PSMC3: variants seen among roughly 807,000 people sequenced by gnomAD.
PSMC3 encodes 26S proteasome regulatory subunit 6A.
In PSMC3, 11 loss-of-function variants were observed where a neutral mutation model predicts 52.0. That is an observed-to-expected ratio of 0.21 (90% CI 0.13 to 0.35). The LOEUF (loss-of-function observed/expected upper bound fraction) is 0.35. Among genes scored for constraint, PSMC3 ranks in the 10% least tolerant of loss-of-function variants. The pLI is 1.00. For missense variants in PSMC3, 238 were observed against 567.1 expected, an observed-to-expected ratio of 0.42 and a Z score of 5.89; for synonymous variants, 201 against 218.8, an observed-to-expected ratio of 0.92 and a Z score of 0.72.
Position 47,424,816 on chromosome 11 carries a change from A to G in PSMC3, c.286-105T>C. On this transcript the variant is annotated intron_variant, in intron 3 of 11. Transcript: ENST00000298852. The surrounding 1 kb of genome is among the most constrained non-coding windows in gnomAD (Gnocchi z 4.8). The stretch of plus-strand genomic sequence containing the variant: ...CTGGCCATCCTTACCTCCCTCCTCC[A>G]ATAGCCCTGAGCCCACCAAACGTGG... The G allele has an allele frequency of 9.5e-7, 1 of 1,049,220 alleles. No individual in the cohort carries two copies. Among genetic ancestry groups the G allele is most frequent in the East Asian group, 2.5e-5 (1 of 40,290 alleles). The allele number at this position is 1,049,220 out of a possible 1,614,324, so 65.0% of individuals were successfully genotyped here.
In PSMC3 at chr11:47,424,592, C is replaced by G; in HGVS notation, c.390+15G>C. The stretch of plus-strand genomic sequence containing the variant: ...CTCACCCTCCTCCAGTCTCTCATTG[C>G]TGAGCCACGCTCACCTGTCGTGTAG... On this transcript the variant is annotated intron_variant, in intron 4 of 11. Transcript: ENST00000298852. The surrounding 1 kb of genome is among the most constrained non-coding windows in gnomAD (Gnocchi z 4.8). 1.9e-6 allele frequency: 3 copies of G among 1,610,090 alleles called. No individual in the cohort carries two copies. The highest frequency in any genetic ancestry group is 2.6e-6 in the Non-Finnish European group (3 of 1,176,266).
At chr11:47,419,707 A>G (rs2096037852) in intron 10 of PSMC3, among the ~76,000 whole-genome samples, 1 of 152,028 alleles carries the variant, frequency 6.6e-6, no homozygotes, top group African/African-American at 2.4e-5. Flanking sequence ...AAAATACAAA[A>G]AATTAGCCGG....
At chr11:47,420,466 C>G (rs368159189) in intron 9 of PSMC3, 57 bp from the exon 10 acceptor site, 6 of 1,579,444 alleles carry the variant, frequency 3.8e-6, no homozygotes, top group Non-Finnish European at 5.2e-6. Context: ...TGGGCAGACA[C>G]GGTCAAAAAA....
Position 47,421,107 on chromosome 11 carries a change from G to C in PSMC3, c.885-380C>G, listed in dbSNP as rs1422456378. Among the ~76,000 whole-genome samples the C allele has an allele frequency of 2.0e-5, 3 of 152,060 alleles. No individual in the cohort carries two copies. The East Asian group carries it at 5.8e-4, about 29-fold the overall frequency. On this transcript the variant is annotated intron_variant, in intron 8 of 11. Transcript: ENST00000298852. ...ATCTCTACTAAAAATACAAAAATTA[G>C]CCAGGCGTGGTGGCAGCCACCTGTA...
chr11:47,419,652 A>T (rs143967041), intron 10 of PSMC3, among the ~76,000 whole-genome samples: 1 of 152,100 alleles, frequency 6.6e-6, no homozygotes, highest in African/African-American at 2.4e-5. Flanking sequence ...AAGGTCAGGA[A>T]ATCAAGACCA....
Position 47,425,960 on chromosome 11 carries a change from ATTAT to A in PSMC3, c.76-14_76-11del, listed in dbSNP as rs770530438. On this transcript the variant is annotated splice_polypyrimidine_tract_variant and intron_variant, in intron 1 of 11. Transcript: ENST00000298852. ...CCCCAATTCCATCTTGCTGTAAAAA[ATTAT>A]TTGTTTATTTATATATTTACTTTTA... is the stretch of plus-strand genomic sequence containing the variant. The A allele has an allele frequency of 2.1e-5, 33 of 1,608,250 alleles. No homozygotes were observed. In the African/African-American group the frequency reaches 3.9e-4, roughly 19 times the overall value.
Position 47,420,655 on chromosome 11 carries a change from G to C in PSMC3, c.957C>G (p.Gly319=). The change falls in exon 9 of 12, where the codon GGC becomes GGG. Residue 319 remains glycine (G), a synonymous_variant. Coordinates refer to ENST00000298852, the MANE Select transcript of PSMC3 (RefSeq NM_002804.5). ...CCTTAACTTGGGTGTTGGGCTGGAA[G>C]CCATCCAGCTGGTTCAGAAGCTCCA... ...TMLELLNQLD[G]FQPNTQVKVI... 1.3e-6 allele frequency: 2 copies of C among 1,553,152 alleles called. No individual in the cohort carries two copies. Among genetic ancestry groups the C allele is most frequent in the Non-Finnish European group, 1.7e-6 (2 of 1,147,654 alleles).
At chr11:47,421,558 T>A (rs564119278) in intron 8 of PSMC3, among the ~76,000 whole-genome samples, 4 of 151,748 alleles carry the variant, frequency 2.6e-5, no homozygotes, top group Non-Finnish European at 4.4e-5. Flanking sequence ...GGGACAGGCA[T>A]GAGATGAGGG....
Position 47,426,242 on chromosome 11 carries a change from C to A in PSMC3, c.38G>T (p.Arg13Leu). The A allele has an allele frequency of 1.3e-6, 2 of 1,559,922 alleles. No homozygotes were observed. Among genetic ancestry groups the A allele is most frequent in the East Asian group, 2.4e-5 (1 of 41,836 alleles). ...LLPNIESPVTRQEKMATVWDE... is the reference protein window; with the variant it reads ...LLPNIESPVTLQEKMATVWDE... ...CCACACGGTCGCCATCTTCTCCTGCCGAGTCACTGGACTCTCAATATTCGG... is the reference window on the plus strand; with the variant it reads ...CCACACGGTCGCCATCTTCTCCTGCAGAGTCACTGGACTCTCAATATTCGG... The change falls in exon 1 of 12, where the codon CGG becomes CTG. Residue 13 changes from arginine (R) to leucine (L), a missense_variant. Arg to Leu is a moderately radical substitution (Grantham distance 102, BLOSUM62 -2). This residue lies in a region of PSMC3 where 48 missense variants were observed against 63.4 expected (regional missense o/e 0.76). Coordinates refer to ENST00000298852, the MANE Select transcript of PSMC3 (RefSeq NM_002804.5).
At chr11:47,419,235 T>C (rs1163062957) in intron 10 of PSMC3, 38 bp from the exon 11 acceptor site, 1 of 1,609,614 alleles carries the variant, frequency 6.2e-7, no homozygotes, top group South Asian at 1.1e-5. Context: ...CAGTGGCTTA[T>C]GCGGAATGGG....
At chr11:47,420,569 G>A in intron 9 of PSMC3, 62 bp downstream of exon 9, 1 of 1,516,996 alleles carries the variant, frequency 6.6e-7, no homozygotes, top group Non-Finnish European at 9.0e-7. Flanking sequence ...TGGCTAGCTG[G>A]GGGCCTGACA....
chr11:47,425,727 C>T (rs1418640813), intron 2 of PSMC3, 140 bp downstream of exon 2: 3 of 705,698 alleles, frequency 4.3e-6, no homozygotes, highest in African/African-American at 3.6e-5. Context: ...AGTTTTCTTT[C>T]CTCTCTTCCT....
chr11:47,426,327 G>GTATTAATCTCCCGTTGC lies in PSMC3; in HGVS notation c.-49_-48insGCAACGGGAGATTAATA. 6.8e-7 allele frequency: 1 copy of GTATTAATCTCCCGTTGC among 1,468,962 alleles called. No individual in the cohort carries two copies. Among genetic ancestry groups the GTATTAATCTCCCGTTGC allele is most frequent in the Non-Finnish European group, 9.3e-7 (1 of 1,079,494 alleles). The allele number at this position is 1,468,962 out of a possible 1,614,324, so 91.0% of individuals were successfully genotyped here. ...ATGGGACCAGGCGGGAGCCGCAACGGGAGATTAATACCGTCTTTCTTAAAG... is the reference window on the plus strand; with the variant it reads ...ATGGGACCAGGCGGGAGCCGCAACGGTATTAATCTCCCGTTGCGAGATTAATACCGTCTTTCTTAAAG... On this transcript the variant is annotated 5_prime_UTR_variant, in exon 1 of 12. Coordinates refer to ENST00000298852, the MANE Select transcript of PSMC3 (RefSeq NM_002804.5).
chr11:47,420,913 G>A (rs906696934), intron 8 of PSMC3, among the ~76,000 whole-genome samples, 186 bp from the exon 9 acceptor site: 1 of 152,166 alleles, frequency 6.6e-6, no homozygotes. Context: ...TTCAGAGACT[G>A]AAGAGACTCC....
chr11:47,424,981 C>A lies in PSMC3; in HGVS notation c.285+140G>T. The A allele has an allele frequency of 5.4e-6, 7 of 1,303,392 alleles. No homozygotes were observed. The highest frequency in any genetic ancestry group is 7.5e-6 in the Non-Finnish European group (7 of 936,716). 80.7% of individuals were successfully genotyped at this position (1,303,392 alleles called of 1,614,324 possible). A position where few individuals can be genotyped will look rare whatever the true frequency, so the allele number is the denominator to read the frequency against. Reference sequence around the variant, plus strand: ...AGGACTTTGCAGGCCCCGTCTTCCCCATGAAAGTGCCCCAGGAGGTGTAGC... The same window carrying A: ...AGGACTTTGCAGGCCCCGTCTTCCCAATGAAAGTGCCCCAGGAGGTGTAGC... On this transcript the variant is annotated intron_variant, in intron 3 of 11. Coordinates refer to ENST00000298852, the MANE Select transcript of PSMC3 (RefSeq NM_002804.5). The surrounding 1 kb of genome is among the most constrained non-coding windows in gnomAD (Gnocchi z 4.8).
In PSMC3 at chr11:47,418,949, C is replaced by G. The variant is rs764920869; in HGVS notation, c.1210-4G>C. ...CCCTGCGCAGTGCGATCATGCCCTA[C>G]AGCCGGGACAAACAGAGTCTAGGTC... On this transcript the variant is annotated splice_region_variant and splice_polypyrimidine_tract_variant and intron_variant, in intron 11 of 11. Transcript: ENST00000298852. 1.2e-6 allele frequency: 2 copies of G among 1,613,988 alleles called. No individual in the cohort carries two copies. The highest frequency in any genetic ancestry group is 2.2e-5 in the South Asian group (2 of 91,058).
chr11:47,426,339 C>T lies in PSMC3; in HGVS notation c.-60G>A, dbSNP rs144857043. ...GGGAGCCGCAACGGGAGATTAATAC[C>T]GTCTTTCTTAAAGCCTTCTCTTGAC... On this transcript the variant is annotated 5_prime_UTR_variant, in exon 1 of 12. Coordinates refer to ENST00000298852, the MANE Select transcript of PSMC3 (RefSeq NM_002804.5). 7.7e-6 allele frequency: 11 copies of T among 1,421,066 alleles called. No homozygotes were observed. The highest frequency in any genetic ancestry group is 2.6e-5 in the South Asian group (2 of 77,814). 88.0% of individuals were successfully genotyped at this position (1,421,066 alleles called of 1,614,324 possible). A position where few individuals can be genotyped will look rare whatever the true frequency, so the allele number is the denominator to read the frequency against.
At chr11:47,419,340 T>G (rs928168584) in intron 10 of PSMC3, 143 bp from the exon 11 acceptor site, 9 of 776,470 alleles carry the variant, frequency 1.2e-5, no homozygotes, top group Non-Finnish European at 2.0e-5. Context: ...GCGCCTTGTT[T>G]TCTTCTCAGT....
intron 2 of PSMC3, 176 bp from the exon 3 acceptor site, chr11:47,425,422 G>C (rs2096045262): frequency 2.6e-6 from 2 of 757,118 alleles, no homozygotes; most frequent in Non-Finnish European, 4.2e-6. Context: ...GTCAAAAGAG[G>C]AGGCCAGTTT....
Sources: allele counts gnomAD v4.1 joint callset (sites outside exome capture counted in the v4.1 genomes callset), GRCh38; gene constraint gnomAD v4.1.1; regional missense constraint gnomAD v4.1.1; non-coding constraint Gnocchi (gnomAD v3.1); transcripts MANE v1.5; gene names NCBI Gene and HGNC (gene_info 2026-07-23, HGNC 2026-07-21).